The following SMAD5 variants were observed in gnomAD, a reference collection of about 807,000 sequenced individuals.
SMAD5 encodes the protein SMAD family member 5.
In SMAD5, 9 loss-of-function variants were observed where a neutral mutation model predicts 43.1. That is an observed-to-expected ratio of 0.21 (90% CI 0.13 to 0.36). The LOEUF is 0.36. Ranked by LOEUF, SMAD5 falls within the 10% of genes least tolerant of loss-of-function variation. The probability of loss-of-function intolerance (pLI) is 1.00; values close to 1 mark genes in which losing one functional copy is unlikely to be tolerated. For synonymous variants in SMAD5, 190 were observed against 192.4 expected (o/e 0.99, Z 0.10); for missense variants, 348 against 574.0 (o/e 0.61, Z 4.02).
intron 5 of SMAD5, among the ~76,000 whole-genome samples, chr5:136,171,506 G>T (rs1754217152): frequency 6.6e-6 from 1 of 152,288 alleles, no homozygotes; most frequent in Middle Eastern, 3.4e-3. Context: ...TTATTCTCCA[G>T]CCTTAAGGCC....
chr5:136,136,304 A>C (rs576214208), intron 1 of SMAD5, among the ~76,000 whole-genome samples: 1 of 152,228 alleles, frequency 6.6e-6, no homozygotes, highest in Admixed American at 6.5e-5. Context: ...CAGCCTCCCA[A>C]GTAGCTGGGA....
chr5:136,155,074 C>T (rs1315022914), intron 3 of SMAD5, among the ~76,000 whole-genome samples: 1 of 152,180 alleles, frequency 6.6e-6, no homozygotes, highest in African/African-American at 2.4e-5. Flanking sequence ...TAAGCTGATG[C>T]TCACATTTTG....
In SMAD5 at chr5:136,179,073, ACACT is replaced by A. The variant is rs1443707069; in HGVS notation, c.*1597_*1600del. 1.3e-5 allele frequency: 2 copies of A among 152,196 alleles called. No homozygotes were observed. Among genetic ancestry groups the A allele is most frequent in the African/African-American group, 4.8e-5 (2 of 41,416 alleles). The allele number at this position is 152,196 out of a possible 1,614,324, so 9.4% of individuals were successfully genotyped here. ...GCCTCAAAAAACAAAACAAAACAAA[ACACT>A]CACCCATCAACGAATATAGACTCTT... On this transcript the variant is annotated 3_prime_UTR_variant, in exon 8 of 8. Coordinates refer to ENST00000545279, the MANE Select transcript of SMAD5 (RefSeq NM_005903.7).
chr5:136,141,846 A>G (rs1354262176), intron 1 of SMAD5, among the ~76,000 whole-genome samples: 1 of 152,202 alleles, frequency 6.6e-6, no homozygotes, highest in Non-Finnish European at 1.5e-5. Flanking sequence ...CCCCAAGTAT[A>G]TTAGAGAGAA....
At chr5:136,136,083 G>T (rs773368368) in intron 1 of SMAD5, among the ~76,000 whole-genome samples, 56 of 149,682 alleles carry the variant, frequency 3.7e-4, no homozygotes, top group Admixed American at 8.0e-4. Context: ...CTAGAGAAAA[G>T]AATATTCTAG....
In SMAD5 at chr5:136,163,279, G is replaced by A. The variant is rs372321077; in HGVS notation, c.663G>A (p.Thr221=). The stretch of plus-strand genomic sequence containing the variant: ...TATTTTTTTTCCTCTTAGCTGATAC[G>A]CCTCCTCCTGCCTATATGCCACCTG... ...PGSPFQLPAD[T]PPPAYMPPDD... Residue 221 remains threonine, a synonymous_variant, in exon 5 of 8, where the codon ACG becomes ACA. Coordinates refer to ENST00000545279, the MANE Select transcript of SMAD5 (RefSeq NM_005903.7). The A allele has an allele frequency of 2.2e-5, 36 of 1,604,674 alleles. No homozygotes were observed. The highest frequency in any genetic ancestry group is 6.0e-6 in the Non-Finnish European group (7 of 1,175,584).
intron 7 of SMAD5, 41 bp downstream of exon 7, chr5:136,174,673 G>A (rs568296085): frequency 5.6e-6 from 8 of 1,429,540 alleles, no homozygotes; most frequent in Non-Finnish European, 7.8e-6. Flanking sequence ...CACTATAAAT[G>A]TGTATATTAT....
At chr5:136,151,855 C>T (rs778014676) in intron 2 of SMAD5, among the ~76,000 whole-genome samples, 8 of 152,040 alleles carry the variant, frequency 5.3e-5, no homozygotes, top group Non-Finnish European at 1.2e-4. Context: ...TCATCTCAGA[C>T]AACCAAACCA....
At chr5:136,143,206 G>A (rs565819786) in intron 1 of SMAD5, among the ~76,000 whole-genome samples, 191 of 151,786 alleles carry the variant, frequency 1.3e-3, no homozygotes, top group South Asian at 2.5e-3. Flanking sequence ...TCATTATTCA[G>A]GGTTTAAACC....
intron 3 of SMAD5, among the ~76,000 whole-genome samples, chr5:136,159,078 T>TA (rs1294587335): frequency 6.6e-6 from 1 of 152,200 alleles, no homozygotes; most frequent in African/African-American, 2.4e-5. Context: ...TTAACTTTAG[T>TA]AAAAACATTG....
intron 1 of SMAD5, among the ~76,000 whole-genome samples, chr5:136,139,528 T>G (rs948521588): frequency 6.6e-6 from 1 of 152,144 alleles, no homozygotes; most frequent in African/African-American, 2.4e-5. Flanking sequence ...ATCAGGAAGC[T>G]TACTGTCTTT....
At chr5:136,157,326 T>C (rs1580781461) in intron 3 of SMAD5, among the ~76,000 whole-genome samples, 1 of 152,300 alleles carries the variant, frequency 6.6e-6, no homozygotes, top group African/African-American at 2.4e-5. Context: ...AGGTGTTTAG[T>C]TGAATACAGT....
chr5:136,144,603 A>C (rs535511489), intron 1 of SMAD5, among the ~76,000 whole-genome samples: 1 of 150,612 alleles, frequency 6.6e-6, no homozygotes, highest in African/African-American at 2.4e-5. Context: ...AGATATATAT[A>C]AATATATCTT....
chr5:136,138,968 A>T (rs1022858450), intron 1 of SMAD5, among the ~76,000 whole-genome samples: 3 of 152,202 alleles, frequency 2.0e-5, no homozygotes, highest in Non-Finnish European at 4.4e-5. Flanking sequence ...TCATGGGATG[A>T]TGTGCTCAGG....
chr5:136,158,809 GA>G (rs1394973392), intron 3 of SMAD5, among the ~76,000 whole-genome samples: 1 of 152,108 alleles, frequency 6.6e-6, no homozygotes, highest in African/African-American at 2.4e-5. Context: ...TGAGGCAGGA[GA>G]ATGGCGTGAA....
At chr5:136,171,516 C>T (rs1754217704) in intron 5 of SMAD5, among the ~76,000 whole-genome samples, 1 of 152,190 alleles carries the variant, frequency 6.6e-6, no homozygotes, top group Admixed American at 6.5e-5. Context: ...GCCTTAAGGC[C>T]TAATGCAATT....
At chr5:136,165,662 A>ATTTTTTTTTTTTTTTTTTT (rs58156387) in intron 5 of SMAD5, among the ~76,000 whole-genome samples, 1 of 65,456 alleles carries the variant, frequency 1.5e-5, no homozygotes, top group Non-Finnish European at 3.0e-5. Flanking sequence ...GAATCATACA[A>ATTTTTTTTTTTTTTTTTTT]TTTTTTTTTT....
At chr5:136,147,018 T>G (rs1753280569) in intron 1 of SMAD5, among the ~76,000 whole-genome samples, 1 of 151,586 alleles carries the variant, frequency 6.6e-6, no homozygotes, top group Non-Finnish European at 1.5e-5. Context: ...AGGAAACAAA[T>G]ATAAGCATAC....
chr5:136,153,354 A>G (rs1216028607), intron 2 of SMAD5, among the ~76,000 whole-genome samples: 6 of 152,174 alleles, frequency 3.9e-5, no homozygotes, highest in Non-Finnish European at 5.9e-5. Context: ...CATAGGAGGT[A>G]GAGCAACCTG....
Sources: gnomAD v4.1 joint callset for allele counts (sites outside exome capture counted in the v4.1 genomes callset) on GRCh38, gnomAD v4.1.1 for gene constraint, MANE v1.5 for transcripts, NCBI Gene and HGNC (gene_info 2026-07-23, HGNC 2026-07-21) for gene names.